Variants in NEK7 observed in about 807,000 individuals in gnomAD.
NEK7 encodes NIMA related kinase 7, also known as serine/threonine-protein kinase Nek7.
A neutral mutation model predicts 44.6 loss-of-function variants in NEK7; 18 were observed. The ratio of observed to expected loss-of-function variants is 0.40; its 90% CI spans 0.28 to 0.60. The LOEUF (loss-of-function observed/expected upper bound fraction) is 0.60. Ranked by LOEUF, NEK7 falls within the 20% of genes least tolerant of loss-of-function variation. NEK7 has a pLI of 0.38. For missense variants in NEK7, 256 were observed against 366.5 expected, an observed-to-expected ratio of 0.70 and a Z score of 2.46; for synonymous variants, 130 against 121.1, an observed-to-expected ratio of 1.07 and a Z score of -0.48.
chr1:198,240,688 AT>A lies in NEK7; in HGVS notation c.57+8058del, dbSNP rs869171221. 2.0e-5 allele frequency among the ~76,000 whole-genome samples: 3 copies of A among 147,038 alleles called. No homozygotes were observed. The South Asian group carries it at 7.0e-4, about 34-fold the overall frequency. On this transcript the variant is annotated intron_variant, in intron 2 of 9. Coordinates refer to ENST00000367385, the MANE Select transcript of NEK7 (RefSeq NM_133494.3). Reference sequence around the variant, plus strand: ...AATGAGATATATTCTTAAACCAATAATTTTTTTGTTGTTGTTCTTGAGACGG... The same window carrying A: ...AATGAGATATATTCTTAAACCAATAATTTTTTGTTGTTGTTCTTGAGACGG...
chr1:198,191,649 G>GT (rs1378025532), intron 1 of NEK7, among the ~76,000 whole-genome samples: 2 of 151,616 alleles, frequency 1.3e-5, no homozygotes, highest in Non-Finnish European at 1.5e-5. Context: ...TTTGTTAGTC[G>GT]TTTTTTTATA....
intron 1 of NEK7, among the ~76,000 whole-genome samples, chr1:198,173,430 TAAA>T (rs77952432): frequency 1.5e-5 from 2 of 137,268 alleles, no homozygotes; most frequent in African/African-American, 2.7e-5. Context: ...CTCTGTCTTT[TAAA>T]AAAAAAAAAA....
chr1:198,259,039 A>G (rs993631500), intron 3 of NEK7, among the ~76,000 whole-genome samples: 3 of 152,148 alleles, frequency 2.0e-5, no homozygotes, highest in Non-Finnish European at 2.9e-5. Context: ...GTATTTGTAA[A>G]TGTATTTTGC....
At chr1:198,239,520 T>A (rs998259469) in intron 2 of NEK7, among the ~76,000 whole-genome samples, 2 of 152,204 alleles carry the variant, frequency 1.3e-5, no homozygotes, top group Admixed American at 6.5e-5. Flanking sequence ...AAAAATATTT[T>A]AGTAACAGAA....
At chr1:198,184,386 C>T (rs144494507) in intron 1 of NEK7, among the ~76,000 whole-genome samples, 3 of 152,152 alleles carry the variant, frequency 2.0e-5, no homozygotes, top group African/African-American at 4.8e-5. Context: ...AACTTCCTGT[C>T]GATCTGTTTG....
intron 1 of NEK7, among the ~76,000 whole-genome samples, chr1:198,204,717 CAAAAAAA>C (rs58273857): frequency 1.1e-4 from 10 of 87,890 alleles, no homozygotes; most frequent in Non-Finnish European, 2.0e-4. Context: ...GACTCCGTCT[CAAAAAAA>C]AAAAAAAAAA....
In NEK7 at chr1:198,203,865, C is replaced by T. The variant is rs114082795; in HGVS notation, c.-28-28688C>T. On this transcript the variant is annotated intron_variant, in intron 1 of 9. Transcript: ENST00000367385. ...TTTTTGTGTGTGTGTGTCCTTCCTT[C>T]CTTCCTTCCTTCCTGTTTTCTTTTG... Among the ~76,000 whole-genome samples the T allele has an allele frequency of 4.1e-3, 627 of 152,146 alleles. 6 individuals carry two copies. Among genetic ancestry groups the T allele is most frequent in the African/African-American group, 0.015 (608 of 41,514 alleles).
At chr1:198,285,387 C>CA (rs1039490993) in intron 7 of NEK7, among the ~76,000 whole-genome samples, 2 of 152,112 alleles carry the variant, frequency 1.3e-5, no homozygotes, top group Admixed American at 6.5e-5. Context: ...AGAAACAATA[C>CA]AAAAAAGCCT....
At chr1:198,241,130 A>G (rs1033316470) in intron 2 of NEK7, among the ~76,000 whole-genome samples, 4 of 152,230 alleles carry the variant, frequency 2.6e-5, no homozygotes, top group Admixed American at 6.5e-5. Context: ...TTGAAGAGCA[A>G]TGTTGAATGT....
intron 7 of NEK7, among the ~76,000 whole-genome samples, chr1:198,289,132 TGTGTGTGTGTG>T (rs1401427814): frequency 0.058 from 128 of 2,200 alleles, 2 homozygotes; most frequent in African/African-American, 0.36. Flanking sequence ...TCCCTGAAGT[TGTGTGTGTGTG>T]TGTGTGTGTG....
At chr1:198,272,482 A>G (rs2102969401) in intron 5 of NEK7, among the ~76,000 whole-genome samples, 1 of 151,928 alleles carries the variant, frequency 6.6e-6, no homozygotes, top group Non-Finnish European at 1.5e-5. Flanking sequence ...TTCTTTGTTC[A>G]TTATGAAAAT....
intron 7 of NEK7, 44 bp downstream of exon 7, chr1:198,279,105 G>A (rs1220171287): frequency 4.3e-6 from 5 of 1,164,424 alleles, no homozygotes; most frequent in Non-Finnish European, 6.5e-6. Flanking sequence ...TTGTGTATGT[G>A]TGATTAAAAG....
intron 2 of NEK7, among the ~76,000 whole-genome samples, chr1:198,234,094 A>G (rs572849263): frequency 5.9e-5 from 9 of 152,152 alleles, no homozygotes; most frequent in African/African-American, 1.9e-4. Context: ...TGTCTTATTT[A>G]CCTTGGATGC....
At chr1:198,252,702 A>T (rs974179775) in intron 2 of NEK7, among the ~76,000 whole-genome samples, 1 of 150,588 alleles carries the variant, frequency 6.6e-6, no homozygotes, top group Admixed American at 6.7e-5. Flanking sequence ...TAAAACATGT[A>T]TGTATGTTTA....
intron 7 of NEK7, among the ~76,000 whole-genome samples, chr1:198,292,013 C>G (rs769711412): frequency 6.6e-6 from 1 of 151,950 alleles, no homozygotes; most frequent in Non-Finnish European, 1.5e-5. Flanking sequence ...TGAGTAGCAA[C>G]ATATTTTTGG....
chr1:198,211,181 C>T (rs974347606), intron 1 of NEK7, among the ~76,000 whole-genome samples: 3 of 152,224 alleles, frequency 2.0e-5, no homozygotes, highest in East Asian at 1.9e-4. Flanking sequence ...TCTTCTAATT[C>T]TTTTCCAGTT....
At chr1:198,251,530 A>G (rs1652987447) in intron 2 of NEK7, among the ~76,000 whole-genome samples, 1 of 151,944 alleles carries the variant, frequency 6.6e-6, no homozygotes, top group Admixed American at 6.6e-5. Flanking sequence ...TTGGTAAGCT[A>G]TTGATTATTG....
chr1:198,311,886 G>A (rs1389300492), intron 9 of NEK7, among the ~76,000 whole-genome samples: 3 of 152,098 alleles, frequency 2.0e-5, no homozygotes, highest in Non-Finnish European at 4.4e-5. Flanking sequence ...CAAGGATATT[G>A]GTCTAAAATT....
rs534235277 is a variant in NEK7 at position 198,314,601 on chromosome 1, G to A, written c.799-4811G>A. On this transcript the variant is annotated intron_variant, in intron 9 of 9. Coordinates refer to ENST00000367385, the MANE Select transcript of NEK7 (RefSeq NM_133494.3). ...GGTCTTTGATGATGGTGATGTACAG[G>A]TGGGTTTTTGGTGTGGATGTCGTTT... Among the ~76,000 whole-genome samples, 20 of 152,222 alleles carry A rather than the reference G, an allele frequency of 1.3e-4. No individual in the cohort carries two copies. In the East Asian group the frequency reaches 2.7e-3, roughly 21 times the overall value.
Sources: allele counts gnomAD v4.1 joint callset (sites outside exome capture counted in the v4.1 genomes callset), GRCh38; gene constraint gnomAD v4.1.1; transcripts MANE v1.5; gene names NCBI Gene and HGNC (gene_info 2026-07-23, HGNC 2026-07-21).